The following AGBL4 variants were observed in gnomAD, a reference collection of about 807,000 sequenced individuals.
AGBL4 encodes the protein AGBL carboxypeptidase 4, also known as cytosolic carboxypeptidase 6.
In AGBL4, 58 loss-of-function variants were observed where a neutral mutation model predicts 66.4. The ratio of observed to expected loss-of-function variants is 0.87; its 90% CI spans 0.71 to 1.09. The LOEUF (loss-of-function observed/expected upper bound fraction) is 1.09, where lower values mean the gene tolerates loss of function less well. Among genes scored for constraint, AGBL4 ranks in the 50% least tolerant of loss-of-function variants. The pLI, the probability that AGBL4 is intolerant of heterozygous loss-of-function variation, is 0.00. For missense variants in AGBL4, 579 were observed against 631.0 expected (o/e 0.92, Z 0.88); for synonymous variants, 234 against 222.9 (o/e 1.05, Z -0.44).
At chr1:49,757,466 G>C (rs1034115486) in intron 2 of AGBL4, among the ~76,000 whole-genome samples, 5 of 152,198 alleles carry the variant, frequency 3.3e-5, no homozygotes, top group African/African-American at 7.2e-5. Flanking sequence ...GCGTGGGAAA[G>C]TTTGGATCTT....
At chr1:48,964,158 C>T (rs1658229025) in intron 5 of AGBL4, among the ~76,000 whole-genome samples, 1 of 152,128 alleles carries the variant, frequency 6.6e-6, no homozygotes, top group South Asian at 2.1e-4. Flanking sequence ...AAGGATTGGA[C>T]AAGAAAGACT....
chr1:49,371,594 A>G (rs1292510545), intron 3 of AGBL4, among the ~76,000 whole-genome samples: 1 of 152,088 alleles, frequency 6.6e-6, no homozygotes, highest in Non-Finnish European at 1.5e-5. Flanking sequence ...CTAAGAAAAC[A>G]CTTCTAGGTT....
At chr1:49,646,561 T>C (rs1274902747) in intron 3 of AGBL4, among the ~76,000 whole-genome samples, 5 of 151,968 alleles carry the variant, frequency 3.3e-5, no homozygotes, top group African/African-American at 1.2e-4. Flanking sequence ...ATACATTGTG[T>C]TCACCAAAAG....
intron 3 of AGBL4, among the ~76,000 whole-genome samples, chr1:49,249,693 A>G (rs1346361150): frequency 2.6e-5 from 4 of 152,222 alleles, no homozygotes; most frequent in African/African-American, 9.6e-5. Flanking sequence ...GAGAACTGCC[A>G]TGTGATCTAG....
intron 9 of AGBL4, among the ~76,000 whole-genome samples, chr1:48,620,128 C>CTT (rs1355799847): frequency 6.6e-6 from 1 of 152,098 alleles, no homozygotes; most frequent in Non-Finnish European, 1.5e-5. Flanking sequence ...GAAAGAAAAG[C>CTT]TTCTGGAACT....
At chr1:48,728,507 G>A (rs1204612558) in intron 6 of AGBL4, among the ~76,000 whole-genome samples, 1 of 121,286 alleles carries the variant, frequency 8.2e-6, no homozygotes, top group Non-Finnish European at 1.7e-5. Flanking sequence ...TTACTCAAAT[G>A]TTATAGTTTT....
chr1:48,880,103 A>G (rs1022004978), intron 5 of AGBL4, among the ~76,000 whole-genome samples: 1 of 152,134 alleles, frequency 6.6e-6, no homozygotes, highest in Non-Finnish European at 1.5e-5. Context: ...GTAGTCTTTT[A>G]TCCCTTATCC....
chr1:49,773,906 T>A (rs1212879904), intron 2 of AGBL4, among the ~76,000 whole-genome samples: 1 of 152,176 alleles, frequency 6.6e-6, no homozygotes, highest in Admixed American at 6.5e-5. Context: ...GACATCAGAG[T>A]CCCAGTCATT....
At chr1:48,768,666 G>A (rs1297948211) in intron 6 of AGBL4, among the ~76,000 whole-genome samples, 1 of 152,116 alleles carries the variant, frequency 6.6e-6, no homozygotes, top group African/African-American at 2.4e-5. Context: ...AATCAGGCTG[G>A]GCAATTAAAA....
At chr1:49,570,234 C>T (rs1644299682) in intron 3 of AGBL4, among the ~76,000 whole-genome samples, 1 of 152,102 alleles carries the variant, frequency 6.6e-6, no homozygotes, top group South Asian at 2.1e-4. Context: ...CACACCTTCA[C>T]CAACATCTGT....
At chr1:49,580,678 A>T (rs1362614866) in intron 3 of AGBL4, among the ~76,000 whole-genome samples, 2 of 152,134 alleles carry the variant, frequency 1.3e-5, no homozygotes, top group East Asian at 3.9e-4. Flanking sequence ...TTCTTTACTG[A>T]CAGTTTTTTT....
At chr1:49,261,455 G>A (rs981338369) in intron 3 of AGBL4, among the ~76,000 whole-genome samples, 8 of 151,902 alleles carry the variant, frequency 5.3e-5, no homozygotes, top group Non-Finnish European at 1.0e-4. Context: ...AGCAACTTCA[G>A]CAAAGTCTCA....
At chr1:49,496,586 T>A (rs1483476616) in intron 3 of AGBL4, among the ~76,000 whole-genome samples, 2 of 125,104 alleles carry the variant, frequency 1.6e-5, no homozygotes, top group Non-Finnish European at 3.1e-5. Context: ...ATGAGTTGAA[T>A]TTTTTTTAGA....
At chr1:48,666,077 A>C (rs569216361) in intron 6 of AGBL4, among the ~76,000 whole-genome samples, 2 of 152,350 alleles carry the variant, frequency 1.3e-5, no homozygotes, top group South Asian at 4.1e-4. Flanking sequence ...TGATGCAGGC[A>C]GGTAACAAAT....
At chr1:49,483,756 T>C (rs1647006065) in intron 3 of AGBL4, among the ~76,000 whole-genome samples, 1 of 151,188 alleles carries the variant, frequency 6.6e-6, no homozygotes, top group Admixed American at 6.6e-5. Context: ...TGAAATCCCA[T>C]CATGTTAAAA....
intron 1 of AGBL4, among the ~76,000 whole-genome samples, chr1:49,963,864 C>A: frequency 6.6e-6 from 1 of 151,932 alleles, no homozygotes; most frequent in East Asian, 1.9e-4. Flanking sequence ...TAAATTCTCC[C>A]TTCTCTCCCC....
chr1:49,792,987 A>G (rs1571578192), intron 2 of AGBL4, among the ~76,000 whole-genome samples: 1 of 152,062 alleles, frequency 6.6e-6, no homozygotes. Context: ...TTATTAGTGC[A>G]TACATAAAAG....
intron 6 of AGBL4, among the ~76,000 whole-genome samples, chr1:48,842,397 T>C (rs1345853816): frequency 6.6e-6 from 1 of 152,154 alleles, no homozygotes; most frequent in Non-Finnish European, 1.5e-5. Context: ...AGAATTAACA[T>C]TGATCAGGAC....
chr1:49,804,253 T>C (rs1372922517), intron 2 of AGBL4, among the ~76,000 whole-genome samples: 1 of 152,216 alleles, frequency 6.6e-6, no homozygotes, highest in African/African-American at 2.4e-5. Flanking sequence ...TGCTTACCTG[T>C]GATGGCAGAT....
Sources: gnomAD v4.1 joint callset for allele counts (sites outside exome capture counted in the v4.1 genomes callset) on GRCh38, gnomAD v4.1.1 for gene constraint, MANE v1.5 for transcripts, NCBI Gene and HGNC (gene_info 2026-07-23, HGNC 2026-07-21) for gene names.